PLPP4: variants seen among roughly 807,000 people sequenced by gnomAD.
PLPP4 encodes phospholipid phosphatase 4, also known as diacylglycerol pyrophosphate like 2.
PLPP4 carries 20 observed loss-of-function variants against 32.2 expected under a neutral mutation model. That is an observed-to-expected ratio of 0.62 (90% confidence interval 0.44 to 0.90). The LOEUF is 0.90. Ranked by LOEUF, PLPP4 falls within the 40% of genes least tolerant of loss-of-function variation. The pLI, the probability that PLPP4 is intolerant of heterozygous loss-of-function variation, is 0.00. For missense variants in PLPP4, 257 were observed against 353.1 expected (o/e 0.73, Z 2.18); for synonymous variants, 127 against 133.0 (o/e 0.95, Z 0.31).
intron 5 of PLPP4, among the ~76,000 whole-genome samples, chr10:120,540,559 C>A (rs945350746): frequency 3.3e-5 from 5 of 152,198 alleles, no homozygotes; most frequent in African/African-American, 1.2e-4. Context: ...GCATCGCATC[C>A]TCCTGGCAGG....
chr10:120,502,441 G>A (rs1015874765), intron 1 of PLPP4, among the ~76,000 whole-genome samples: 60 of 152,138 alleles, frequency 3.9e-4, no homozygotes, highest in African/African-American at 1.3e-3. Flanking sequence ...TTGAGAGTCA[G>A]GCTGATCAAA....
At chr10:120,560,178 T>C (rs1564840155) in intron 5 of PLPP4, among the ~76,000 whole-genome samples, 1 of 152,158 alleles carries the variant, frequency 6.6e-6, no homozygotes, top group Non-Finnish European at 1.5e-5. Flanking sequence ...GAAGTGTCAC[T>C]AGTGATGCTG....
chr10:120,507,382 C>T (rs557417741), intron 2 of PLPP4, among the ~76,000 whole-genome samples: 18 of 130,552 alleles, frequency 1.4e-4, no homozygotes, highest in Non-Finnish European at 2.5e-4. Flanking sequence ...TCATCATCAT[C>T]ATCATTATCA....
intron 5 of PLPP4, among the ~76,000 whole-genome samples, chr10:120,573,150 A>G (rs2134047038): frequency 6.6e-6 from 1 of 152,344 alleles, no homozygotes; most frequent in Admixed American, 6.5e-5. Flanking sequence ...TCTCAAAGAA[A>G]ACAAGCATTT....
chr10:120,583,872 C>T (rs563409660), intron 6 of PLPP4, among the ~76,000 whole-genome samples: 2 of 152,282 alleles, frequency 1.3e-5, no homozygotes, highest in South Asian at 4.1e-4. Context: ...GATTCAGAAA[C>T]AGGAAACACC....
intron 4 of PLPP4, among the ~76,000 whole-genome samples, 157 bp from the exon 5 acceptor site, chr10:120,520,814 A>G (rs1189339370): frequency 6.7e-6 from 1 of 149,216 alleles, no homozygotes; most frequent in Non-Finnish European, 1.5e-5. Flanking sequence ...CTTTTTCCCA[A>G]ACGGCTGTGT....
rs753728043 is a variant in PLPP4, at chr10:120,575,219, G to T, written c.534G>T (p.Arg178=). The T allele has an allele frequency of 6.2e-7, 1 of 1,613,952 alleles. No individual in the cohort carries two copies. Among genetic ancestry groups the T allele is most frequent in the East Asian group, 2.2e-5 (1 of 44,884 alleles). Residue 178 remains arginine, a synonymous_variant, in exon 6 of 7, where the codon CGG becomes CGT. Transcript: ENST00000398250. The stretch of plus-strand genomic sequence containing the variant: ...AGAGTGGGCGGGGAAAGAGCTGGCG[G>T]CTCTGTGCTGCCATCCTGCCCTTGT... ...FTESGRGKSW[R]LCAAILPLYC...
chr10:120,549,764 A>G (rs1000744921), intron 5 of PLPP4, among the ~76,000 whole-genome samples: 2 of 67,930 alleles, frequency 2.9e-5, no homozygotes, highest in African/African-American at 4.7e-5. Flanking sequence ...AATCATCTCA[A>G]TAGATGTGGA....
At chr10:120,520,827 A>C in intron 4 of PLPP4, 144 bp from the exon 5 acceptor site, 6 of 961,126 alleles carry the variant, frequency 6.2e-6, no homozygotes, top group Non-Finnish European at 9.4e-6. Flanking sequence ...GGCTGTGTCT[A>C]GAGTATTCTG....
chr10:120,540,669 C>T (rs754558048), intron 5 of PLPP4, among the ~76,000 whole-genome samples: 1 of 152,190 alleles, frequency 6.6e-6, no homozygotes, highest in Non-Finnish European at 1.5e-5. Context: ...TTCTTGGCAG[C>T]CCTGATGGAC....
At chr10:120,499,647 G>C (rs1013057737) in intron 1 of PLPP4, among the ~76,000 whole-genome samples, 7 of 152,106 alleles carry the variant, frequency 4.6e-5, no homozygotes, top group Non-Finnish European at 8.8e-5. Flanking sequence ...TCGGCAGCGT[G>C]GGCCCCCCAG....
intron 1 of PLPP4, among the ~76,000 whole-genome samples, chr10:120,489,730 A>G (rs1844626297): frequency 6.6e-6 from 1 of 152,116 alleles, no homozygotes; most frequent in Non-Finnish European, 1.5e-5. Flanking sequence ...AATATTGGCC[A>G]TGAGTTACAT....
intron 6 of PLPP4, among the ~76,000 whole-genome samples, chr10:120,588,481 T>C (rs1359585140): frequency 1.3e-5 from 2 of 152,214 alleles, no homozygotes; most frequent in African/African-American, 4.8e-5. Flanking sequence ...AATGTTTTAT[T>C]CACTTTGTCT....
chr10:120,482,867 G>A (rs1245499084), intron 1 of PLPP4, among the ~76,000 whole-genome samples: 1 of 152,102 alleles, frequency 6.6e-6, no homozygotes. Flanking sequence ...AGCCGAGATC[G>A]CACCACTGCA....
intron 4 of PLPP4, among the ~76,000 whole-genome samples, chr10:120,520,720 A>T (rs1018147435): frequency 1.5e-4 from 23 of 152,202 alleles, no homozygotes; most frequent in African/African-American, 5.1e-4. Context: ...GCTGGGGGAG[A>T]CCAACTGACC....
chr10:120,568,527 T>C (rs1848788863), intron 5 of PLPP4, among the ~76,000 whole-genome samples: 1 of 152,236 alleles, frequency 6.6e-6, no homozygotes. Context: ...TTGTTGGTGG[T>C]TTCTTAAATG....
intron 5 of PLPP4, among the ~76,000 whole-genome samples, chr10:120,553,367 A>G (rs1227665240): frequency 6.6e-6 from 1 of 152,144 alleles, no homozygotes; most frequent in Non-Finnish European, 1.5e-5. Context: ...TGCCCTCCTA[A>G]AAGAAGCTCC....
At chr10:120,458,120 A>AC (rs1847877534) in intron 1 of PLPP4, among the ~76,000 whole-genome samples, 2 of 152,046 alleles carry the variant, frequency 1.3e-5, no homozygotes, top group South Asian at 4.2e-4. Flanking sequence ...GCGCCCAGGG[A>AC]CCCACCGCTC....
In PLPP4 at chr10:120,575,240, C is replaced by T; in HGVS notation, c.555C>T (p.Pro185=). 6.2e-7 allele frequency: 1 copy of T among 1,614,148 alleles called. No homozygotes were observed. The change falls in exon 6 of 7, where the codon CCC becomes CCT. Residue 185 remains proline, a synonymous_variant. Transcript: ENST00000398250. The part of the protein sequence containing the change: ...KSWRLCAAIL[P]LYCAMMIALS... ...GGCGGCTCTGTGCTGCCATCCTGCC[C>T]TTGTACTGCGCCATGATGATTGCCC...
Sources: gnomAD v4.1 joint callset for allele counts (sites outside exome capture counted in the v4.1 genomes callset) on GRCh38, gnomAD v4.1.1 for gene constraint, MANE v1.5 for transcripts, NCBI Gene and HGNC (gene_info 2026-07-23, HGNC 2026-07-21) for gene names.